Variants in LHPP observed in about 807,000 individuals in gnomAD.
The protein encoded by LHPP is hLHPP.
A neutral mutation model predicts 30.3 loss-of-function variants in LHPP; 24 were observed. The ratio of observed to expected loss-of-function variants is 0.79; its 90% CI spans 0.57 to 1.11. The LOEUF (loss-of-function observed/expected upper bound fraction) is 1.11. Ranked by LOEUF, LHPP falls within the 50% of genes most tolerant of loss-of-function variation. The probability of loss-of-function intolerance (pLI) is 0.00; values close to 1 mark genes in which losing one functional copy is unlikely to be tolerated. For synonymous variants in LHPP, 150 were observed against 157.1 expected, an observed-to-expected ratio of 0.95 and a Z score of 0.34; for missense variants, 356 against 367.2, an observed-to-expected ratio of 0.97 and a Z score of 0.25.
At chr10:124,527,335 C>G (rs898686024) in intron 6 of LHPP, among the ~76,000 whole-genome samples, 1 of 152,206 alleles carries the variant, frequency 6.6e-6, no homozygotes, top group Non-Finnish European at 1.5e-5. Context: ...CTCAGAGGCC[C>G]CTGACTCCTG....
chr10:124,583,627 G>A (rs1330883435), intron 6 of LHPP, among the ~76,000 whole-genome samples: 1 of 152,166 alleles, frequency 6.6e-6, no homozygotes, highest in African/African-American at 2.4e-5. Flanking sequence ...GCAGGAGTAG[G>A]CATCTCACAT....
chr10:124,548,673 C>T lies in LHPP; in HGVS notation c.716+31402C>T, dbSNP rs548417548. On this transcript the variant is annotated intron_variant, in intron 6 of 6. Coordinates refer to ENST00000368842, the MANE Select transcript of LHPP (RefSeq NM_022126.4). ...TGAGCAGGGCCTGCTTTGACCACCT[C>T]GGGATCAAGAGTCCTGTTAGATGCC... is the stretch of plus-strand genomic sequence containing the variant. 2.2e-4 allele frequency among the ~76,000 whole-genome samples: 33 copies of T among 152,290 alleles called. No individual in the cohort carries two copies. The South Asian group carries it at 2.9e-3, about 13-fold the overall frequency.
intron 6 of LHPP, among the ~76,000 whole-genome samples, chr10:124,520,505 C>A (rs1359995476): frequency 6.6e-6 from 1 of 152,234 alleles, no homozygotes; most frequent in African/African-American, 2.4e-5. Context: ...GAGTCACCTG[C>A]CTCCATTGAA....
chr10:124,549,411 C>G (rs1955425868), intron 6 of LHPP, among the ~76,000 whole-genome samples: 1 of 151,462 alleles, frequency 6.6e-6, no homozygotes, highest in Non-Finnish European at 1.5e-5. Flanking sequence ...GCACTCCAGC[C>G]TGGACAACAC....
intron 6 of LHPP, among the ~76,000 whole-genome samples, chr10:124,587,405 C>T (rs1948818796): frequency 6.6e-6 from 1 of 152,026 alleles, no homozygotes; most frequent in African/African-American, 2.4e-5. Flanking sequence ...CCCTCCACTT[C>T]TACCTTCATG....
In LHPP at chr10:124,502,513, C is replaced by T. The variant is rs964756022; in HGVS notation, c.624+4385C>T. Among the ~76,000 whole-genome samples the T allele has an allele frequency of 7.3e-5, 11 of 150,444 alleles. 1 individual carries two copies. Among genetic ancestry groups the T allele is most frequent in the African/African-American group, 1.2e-4 (5 of 40,556 alleles). ...CCAAGTAGCTGGGACTGCAGGCGCC[C>T]GCCACCATGCCTGAGTAATTTTTGT... is the stretch of plus-strand genomic sequence containing the variant. On this transcript the variant is annotated intron_variant, in intron 5 of 6. Transcript: ENST00000368842.
chr10:124,502,016 A>C (rs1345786303), intron 5 of LHPP, among the ~76,000 whole-genome samples: 1 of 151,964 alleles, frequency 6.6e-6, no homozygotes, highest in Non-Finnish European at 1.5e-5. Flanking sequence ...GTGCTTTAAT[A>C]ATTATCAACT....
In LHPP at chr10:124,465,842, C is replaced by T. The variant is rs141680661; in HGVS notation, c.125+3855C>T. On this transcript the variant is annotated intron_variant, in intron 1 of 6. Transcript: ENST00000368842. ...CCTCCCAAGGTGCTGGGATCACAGGCGTGAGCCACTGCGCCCAGCCTGAGA... is the reference window on the plus strand; with the variant it reads ...CCTCCCAAGGTGCTGGGATCACAGGTGTGAGCCACTGCGCCCAGCCTGAGA... 3.7e-3 allele frequency among the ~76,000 whole-genome samples: 567 copies of T among 152,338 alleles called. 1 individual carries two copies. The highest frequency in any genetic ancestry group is 0.012 in the African/African-American group (499 of 41,572).
At chr10:124,499,143 G>C (rs1953827143) in intron 5 of LHPP, among the ~76,000 whole-genome samples, 1 of 151,762 alleles carries the variant, frequency 6.6e-6, no homozygotes, top group African/African-American at 2.4e-5. Flanking sequence ...GCCTCTCAAA[G>C]TGCTGGGATT....
chr10:124,573,078 T>G (rs1055169474), intron 6 of LHPP, among the ~76,000 whole-genome samples: 1 of 152,252 alleles, frequency 6.6e-6, no homozygotes, highest in African/African-American at 2.4e-5. Context: ...TAATGTTGCT[T>G]CTAGTTTTTT....
intron 6 of LHPP, among the ~76,000 whole-genome samples, chr10:124,600,803 G>A (rs917161867): frequency 3.3e-5 from 5 of 152,220 alleles, no homozygotes; most frequent in East Asian, 1.9e-4. Flanking sequence ...AATGCCAGGC[G>A]ATAACCCACA....
At chr10:124,487,465 C>T (rs1953372549) in intron 2 of LHPP, among the ~76,000 whole-genome samples, 1 of 138,228 alleles carries the variant, frequency 7.2e-6, no homozygotes, top group Admixed American at 8.0e-5. Context: ...TTTTTTGAGA[C>T]AGAGTCTCGC....
intron 5 of LHPP, among the ~76,000 whole-genome samples, chr10:124,504,875 G>C (rs546655482): frequency 6.6e-6 from 1 of 152,252 alleles, no homozygotes; most frequent in Non-Finnish European, 1.5e-5. Context: ...TGGGTTTGTC[G>C]TTTTCGGATG....
At chr10:124,479,863 G>C (rs1953073087) in intron 1 of LHPP, among the ~76,000 whole-genome samples, 1 of 152,184 alleles carries the variant, frequency 6.6e-6, no homozygotes, top group South Asian at 2.1e-4. Context: ...GTCTCCTGGG[G>C]CCTCCATCTT....
chr10:124,559,493 A>C (rs1391835845), intron 6 of LHPP, among the ~76,000 whole-genome samples: 2 of 152,230 alleles, frequency 1.3e-5, no homozygotes, highest in Non-Finnish European at 2.9e-5. Context: ...TGGCTTCCCC[A>C]GGTCCACACC....
intron 6 of LHPP, among the ~76,000 whole-genome samples, chr10:124,538,303 C>T (rs1564817611): frequency 6.6e-6 from 1 of 152,234 alleles, no homozygotes; most frequent in East Asian, 1.9e-4. Flanking sequence ...CTCCCTGGGC[C>T]TGAGCAGCTC....
At chr10:124,539,993 C>G (rs1371130971) in intron 6 of LHPP, among the ~76,000 whole-genome samples, 1 of 152,182 alleles carries the variant, frequency 6.6e-6, no homozygotes, top group Non-Finnish European at 1.5e-5. Context: ...CACCGCACTT[C>G]CTGGCACACA....
chr10:124,474,263 C>T (rs1390006865), intron 1 of LHPP, among the ~76,000 whole-genome samples: 3 of 151,288 alleles, frequency 2.0e-5, no homozygotes, highest in Non-Finnish European at 4.4e-5. Flanking sequence ...CCTCAGCCCC[C>T]AAAGTAGCTG....
intron 6 of LHPP, among the ~76,000 whole-genome samples, chr10:124,578,819 G>A (rs1948705748): frequency 6.6e-6 from 1 of 152,218 alleles, no homozygotes; most frequent in Admixed American, 6.5e-5. Flanking sequence ...CCAGTGCCTG[G>A]CACATTTTGT....
Sources: gnomAD v4.1 joint callset for allele counts (sites outside exome capture counted in the v4.1 genomes callset) on GRCh38, gnomAD v4.1.1 for gene constraint, MANE v1.5 for transcripts, NCBI Gene and HGNC (gene_info 2026-07-23, HGNC 2026-07-21) for gene names.